MZT2A: variants seen among roughly 807,000 people sequenced by gnomAD.
MZT2A encodes the protein mitotic spindle organizing protein 2A.
MZT2A carries 8 observed loss-of-function variants against 12.4 expected under a neutral mutation model. The observed-to-expected ratio is 0.64, with a 90% CI of 0.38 to 1.16. The LOEUF (loss-of-function observed/expected upper bound fraction) is 1.16. Among genes scored for constraint, MZT2A ranks in the 50% most tolerant of loss-of-function variants. MZT2A has a pLI of 0.01. For missense variants in MZT2A, 181 were observed against 223.6 expected (o/e 0.81, Z 1.22); for synonymous variants, 88 against 107.5 (o/e 0.82, Z 1.12).
At chr2:131,492,895 C>T, upstream of MZT2A, 7 of 1,508,674 alleles carry the variant, frequency 4.6e-6, no homozygotes, top group South Asian at 1.2e-5. Context: ...ACAACGCAGG[C>T]GCATTCAGCT....
downstream of MZT2A, chr2:131,482,705 T>G: frequency 6.2e-7 from 1 of 1,614,088 alleles, no homozygotes; most frequent in Non-Finnish European, 8.5e-7. Context: ...CAAGCGGGCC[T>G]TTGTGCACTG....
chr2:131,479,979 T>A, downstream of MZT2A: 1 of 1,481,100 alleles, frequency 6.8e-7, no homozygotes, highest in Non-Finnish European at 9.0e-7. Flanking sequence ...ATATCAACTC[T>A]TTAGAGGCAA....
chr2:131,469,949 A>G (rs979435821), intron 4 of MZT2A: 2 of 226,420 alleles, frequency 8.8e-6, no homozygotes, highest in Admixed American at 1.1e-4. Context: ...GATTACAGGC[A>G]CCCAATACCA....
intron 2 of MZT2A, chr2:131,476,189 C>G: frequency 6.2e-7 from 1 of 1,613,950 alleles, no homozygotes; most frequent in Non-Finnish European, 8.5e-7. Flanking sequence ...GCTGAAGCAG[C>G]GGAGTTCGCC....
upstream of MZT2A, chr2:131,492,542 G>A (rs1679385335): frequency 3.5e-6 from 4 of 1,137,188 alleles, no homozygotes; most frequent in Non-Finnish European, 4.3e-6. Flanking sequence ...GAGCCCAACA[G>A]TTAGTGGGCG....
chr2:131,491,853 G>A (rs1444813315), intron 2 of MZT2A, 23 bp downstream of exon 2: 1 of 1,417,070 alleles, frequency 7.1e-7, no homozygotes, highest in Non-Finnish European at 9.4e-7. Context: ...CACTGGGGCA[G>A]GGACAGCGGG....
intron 2 of MZT2A, among the ~76,000 whole-genome samples, chr2:131,476,416 T>C (rs1678669011): frequency 3.3e-5 from 5 of 152,184 alleles, no homozygotes; most frequent in Admixed American, 3.3e-4. Context: ...GCTGCCGGCC[T>C]TTAGTGAACG....
rs759614565 is a variant in MZT2A at position 131,491,965 on chromosome 2, T to G, written c.230A>C (p.Lys77Thr). The G allele has an allele frequency of 4.6e-5, 72 of 1,549,922 alleles. 1 individual carries two copies. The highest frequency in any genetic ancestry group is 2.3e-4 in the Middle Eastern group (1 of 4,384). The stretch of plus-strand genomic sequence containing the variant: ...TAGCCTCTGCCCGGCACACATGGAC[T>G]TGAGCATCTGGAAGACGGCGAGGGG... ...VAPLAVFQML[K>T]SMCAGQRLAS... The change falls in exon 2 of 3, where the codon AAG becomes ACG. Residue 77 changes from lysine to threonine, a missense_variant. Transcript: ENST00000309451.
chr2:131,483,912 C>T (rs557864786), downstream of MZT2A: 435 of 1,408,234 alleles, frequency 3.1e-4, 1 homozygote, highest in East Asian at 0.01. Flanking sequence ...AAACTTCATT[C>T]TAAGTGTGCC....
At chr2:131,490,988 G>T in intron 2 of MZT2A, 2 of 1,532,810 alleles carry the variant, frequency 1.3e-6, no homozygotes, top group Non-Finnish European at 1.8e-6. Flanking sequence ...GTCAGCGGGC[G>T]TGGGTGCCCA....
At chr2:131,475,158 A>G (rs1678615073) in intron 2 of MZT2A, among the ~76,000 whole-genome samples, 1 of 151,264 alleles carries the variant, frequency 6.6e-6, no homozygotes, top group African/African-American at 2.4e-5. Context: ...TTTTTTGTAA[A>G]AACGGGCAAG....
At chr2:131,470,459 A>T (rs1704958284) in intron 3 of MZT2A, 3 of 410,062 alleles carry the variant, frequency 7.3e-6, no homozygotes. Context: ...GTTACAGATT[A>T]AAGCCACAGA....
chr2:131,478,548 T>C (rs1345268721), intron 2 of MZT2A, among the ~76,000 whole-genome samples: 1 of 152,260 alleles, frequency 6.6e-6, no homozygotes, highest in Non-Finnish European at 1.5e-5. Flanking sequence ...GTGATCAAAG[T>C]GTCTGTGAGA....
Position 131,476,243 on chromosome 2 carries a change from G to C in MZT2A, c.279-4061C>G, listed in dbSNP as rs1678663050. ...CTCCCGCCCCGCAGATGCCCAGGCA[G>C]ACGAAGTTGGCCTCGGGTGGACAGA... On this transcript the variant is annotated intron_variant and NMD_transcript_variant, in intron 2 of 4. Transcript: ENST00000427024. 7 of 1,613,660 alleles carry C rather than the reference G, an allele frequency of 4.3e-6. 1 individual carries two copies. In the South Asian group the frequency reaches 5.5e-5, roughly 13 times the overall value.
chr2:131,475,394 A>G (rs1456306899), intron 2 of MZT2A, among the ~76,000 whole-genome samples: 5 of 136,808 alleles, frequency 3.7e-5, no homozygotes, highest in Non-Finnish European at 6.1e-5. Flanking sequence ...CAGTGGCCCA[A>G]TCTCGGCTCA....
chr2:131,489,575 AG>A (rs1453748928), intron 2 of MZT2A: 2 of 151,718 alleles, frequency 1.3e-5, no homozygotes, highest in Non-Finnish European at 1.5e-5. Context: ...TCACCGTGTT[AG>A]CCAGGATGGT....
In MZT2A at chr2:131,485,758, A is replaced by G. The variant is rs146428669; in HGVS notation, c.320-1540T>C. Among the ~76,000 whole-genome samples the G allele has an allele frequency of 2.5e-3, 380 of 152,206 alleles. 5 individuals carry two copies. The highest frequency in any genetic ancestry group is 4.2e-3 in the Non-Finnish European group (284 of 68,022). The stretch of plus-strand genomic sequence containing the variant: ...TATCAAGTGTAGTCAAATACCCTGC[A>G]AAGGGAAACTGGATTCCTGGAGAAA... On this transcript the variant is annotated intron_variant, in intron 2 of 2. Transcript: ENST00000309451.
At chr2:131,483,929 T>TATA, downstream of MZT2A, 3 of 1,300,904 alleles carry the variant, frequency 2.3e-6, no homozygotes, top group Non-Finnish European at 3.0e-6. Context: ...TGCCTTAATA[T>TATA]AAAAAAAAAA....
chr2:131,478,426 G>T (rs774139282), intron 2 of MZT2A: 9 of 1,555,854 alleles, frequency 5.8e-6, no homozygotes, highest in Admixed American at 1.8e-5. Flanking sequence ...TCCTGAGAGG[G>T]TGGGAGAGCA....
Sources: allele counts gnomAD v4.1 joint callset (sites outside exome capture counted in the v4.1 genomes callset), GRCh38; gene constraint gnomAD v4.1.1; transcripts MANE v1.5; gene names NCBI Gene and HGNC (gene_info 2026-07-23, HGNC 2026-07-21).